The following LRCH1 variants were observed in gnomAD, a reference collection of about 807,000 sequenced individuals.
The protein encoded by LRCH1 is leucine rich repeats and calponin homology domain containing 1.
A neutral mutation model predicts 94.9 loss-of-function variants in LRCH1; 23 were observed. The ratio of observed to expected loss-of-function variants is 0.24; its 90% CI spans 0.17 to 0.34. The LOEUF is 0.34. Among genes scored for constraint, LRCH1 ranks in the 10% least tolerant of loss-of-function variants. The pLI, the probability that LRCH1 is intolerant of heterozygous loss-of-function variation, is 1.00. For missense variants in LRCH1, 790 were observed against 945.9 expected (o/e 0.84, Z 2.16); for synonymous variants, 364 against 354.9 (o/e 1.03, Z -0.29).
chr13:46,553,473 CCCACCA>C lies in LRCH1; in HGVS notation c.93_98del (p.His32_His33del), dbSNP rs533543595. Reference sequence around the variant, plus strand: ...GCTACTCTGCACCCACTTCATCATCCCCACCACCACCACCACCACCATCAGCACCAC... The same window carrying C: ...GCTACTCTGCACCCACTTCATCATCCCCACCACCACCACCATCAGCACCAC... On this transcript the variant is annotated inframe_deletion, in exon 1 of 20. Transcript: ENST00000389797. The C allele has an allele frequency of 5.8e-6, 9 of 1,547,918 alleles. No individual in the cohort carries two copies. The highest frequency in any genetic ancestry group is 2.7e-5 in the African/African-American group (2 of 72,758).
rs151044460 is a variant in LRCH1 at position 46,613,690 on chromosome 13, C to T, written c.308-36511C>T. ...TGATTTAATTGGTGTGTTGCAGAAC[C>T]TGACTTGAGCCATTTCGAAATGGGT... On this transcript the variant is annotated intron_variant, in intron 1 of 19. Coordinates refer to ENST00000389797, the MANE Select transcript of LRCH1 (RefSeq NM_001164211.2). 2.1e-3 allele frequency among the ~76,000 whole-genome samples: 313 copies of T among 152,338 alleles called. 1 individual carries two copies. The highest frequency in any genetic ancestry group is 7.2e-3 in the African/African-American group (298 of 41,582).
At chr13:46,741,533 C>T (rs748129006) in intron 19 of LRCH1, 109 bp from the exon 20 acceptor site, 112 of 1,309,186 alleles carry the variant, frequency 8.6e-5, no homozygotes, top group Admixed American at 2.9e-4. Context: ...GGGGTTACTC[C>T]TGCCATTTGC....
chr13:46,707,421 T>A (rs887208892), intron 13 of LRCH1, among the ~76,000 whole-genome samples: 1 of 152,222 alleles, frequency 6.6e-6, no homozygotes, highest in Non-Finnish European at 1.5e-5. Flanking sequence ...TCTTTGGTGA[T>A]GTTAATTTAT....
chr13:46,686,559 C>A (rs1261765474), intron 5 of LRCH1, among the ~76,000 whole-genome samples: 1 of 65,500 alleles, frequency 1.5e-5, no homozygotes, highest in Admixed American at 1.7e-4. Context: ...GTTTCTATGA[C>A]CAGCTTTGGG....
chr13:46,711,967 C>A, intron 14 of LRCH1, 123 bp downstream of exon 14: 1 of 662,374 alleles, frequency 1.5e-6, no homozygotes, highest in South Asian at 2.5e-5. Flanking sequence ...TTGGGGGAAT[C>A]CGTCTAACTC....
chr13:46,625,765 C>G (rs936530254), intron 1 of LRCH1, among the ~76,000 whole-genome samples: 2 of 151,918 alleles, frequency 1.3e-5, no homozygotes, highest in African/African-American at 4.8e-5. Flanking sequence ...GTGATTCCCC[C>G]ACCTCAGCCT....
downstream of LRCH1, among the ~76,000 whole-genome samples, chr13:46,745,791 A>G (rs576559660): frequency 1.3e-5 from 2 of 152,350 alleles, no homozygotes; most frequent in East Asian, 3.9e-4. Flanking sequence ...GGATGATGCC[A>G]TTTTAGGCTA....
intron 1 of LRCH1, among the ~76,000 whole-genome samples, chr13:46,576,094 C>G (rs192787012): frequency 1.3e-5 from 2 of 152,242 alleles, no homozygotes; most frequent in East Asian, 3.9e-4. Context: ...CTGATTATGG[C>G]CAAAGAAAGT....
At chr13:46,566,739 A>G (rs954770405) in intron 1 of LRCH1, among the ~76,000 whole-genome samples, 13 of 152,222 alleles carry the variant, frequency 8.5e-5, no homozygotes, top group African/African-American at 2.9e-4. Flanking sequence ...AATCAAGCCT[A>G]TGGCATTTCT....
At chr13:46,640,717 T>C (rs949561515) in intron 1 of LRCH1, among the ~76,000 whole-genome samples, 6 of 152,222 alleles carry the variant, frequency 3.9e-5, no homozygotes, top group African/African-American at 1.4e-4. Flanking sequence ...AAAATTCACA[T>C]CTATCTACAT....
chr13:46,634,916 G>A (rs904040457), intron 1 of LRCH1, among the ~76,000 whole-genome samples: 4 of 152,148 alleles, frequency 2.6e-5, no homozygotes, highest in African/African-American at 7.2e-5. Context: ...TTGACTTTCC[G>A]ATGAGCATGC....
chr13:46,738,097 C>T (rs1392791820), intron 19 of LRCH1, among the ~76,000 whole-genome samples: 1 of 152,130 alleles, frequency 6.6e-6, no homozygotes, highest in Non-Finnish European at 1.5e-5. Flanking sequence ...AATGTTCAGT[C>T]CTTCATCTTC....
At chr13:46,650,722 C>CAAAAAAAAA (rs756410319) in intron 2 of LRCH1, among the ~76,000 whole-genome samples, 1 of 58,222 alleles carries the variant, frequency 1.7e-5, no homozygotes, top group Non-Finnish European at 4.0e-5. Context: ...AAACAAGGAG[C>CAAAAAAAAA]AAAAAAAAAA....
At chr13:46,633,453 T>C (rs1419982505) in intron 1 of LRCH1, among the ~76,000 whole-genome samples, 1 of 152,210 alleles carries the variant, frequency 6.6e-6, no homozygotes, top group African/African-American at 2.4e-5. Flanking sequence ...CATTATTGAA[T>C]TGTGTAATAA....
intron 5 of LRCH1, among the ~76,000 whole-genome samples, chr13:46,686,705 A>G (rs894381873): frequency 3.9e-5 from 6 of 152,136 alleles, no homozygotes; most frequent in African/African-American, 1.2e-4. Context: ...CAATGCTATC[A>G]ATCATGCTTA....
chr13:46,741,129 GA>G (rs930761794), intron 19 of LRCH1, among the ~76,000 whole-genome samples: 3 of 149,204 alleles, frequency 2.0e-5, no homozygotes, highest in Admixed American at 1.3e-4. Context: ...AGCGTAAAAT[GA>G]AAAAAAAAAT....
intron 18 of LRCH1, among the ~76,000 whole-genome samples, chr13:46,733,246 T>C (rs1018806352): frequency 2.0e-5 from 3 of 152,216 alleles, no homozygotes; most frequent in African/African-American, 7.2e-5. Flanking sequence ...ATATATGAAA[T>C]GTGCCTGTTA....
At chr13:46,556,054 CAT>C (rs2050061703) in intron 1 of LRCH1, among the ~76,000 whole-genome samples, 1 of 152,336 alleles carries the variant, frequency 6.6e-6, no homozygotes, top group East Asian at 1.9e-4. Context: ...CTCCTTGACT[CAT>C]ATTTACTTTA....
At chr13:46,600,187 A>G (rs942104886) in intron 1 of LRCH1, among the ~76,000 whole-genome samples, 34 of 152,194 alleles carry the variant, frequency 2.2e-4, no homozygotes, top group Non-Finnish European at 1.8e-4. Flanking sequence ...ACACCCGGCC[A>G]GGCTTTTTAA....
Sources: gnomAD v4.1 joint callset for allele counts (sites outside exome capture counted in the v4.1 genomes callset) on GRCh38, gnomAD v4.1.1 for gene constraint, MANE v1.5 for transcripts, NCBI Gene and HGNC (gene_info 2026-07-23, HGNC 2026-07-21) for gene names.